The following SMARCAL1 variants were observed in gnomAD, a reference collection of about 807,000 sequenced individuals.
SMARCAL1 encodes the protein SNF2 related chromatin remodeling annealing helicase 1, also known as ATP-driven annealing helicase.
A neutral mutation model predicts 94.5 loss-of-function variants in SMARCAL1; 58 were observed. The observed-to-expected ratio is 0.61, with a 90% CI of 0.50 to 0.76. SMARCAL1 has a LOEUF of 0.76. SMARCAL1 is among the 30% of genes least tolerant of loss of function. SMARCAL1 has a pLI of 0.00. For synonymous variants in SMARCAL1, 422 were observed against 455.1 expected (o/e 0.93, Z 0.93); for missense variants, 1,051 against 1,177.9 (o/e 0.89, Z 1.58).
chr2:216,434,468 T>A (rs1411231569), intron 8 of SMARCAL1, among the ~76,000 whole-genome samples: 1 of 152,114 alleles, frequency 6.6e-6, no homozygotes, highest in Non-Finnish European at 1.5e-5. Flanking sequence ...TCGCATTCTT[T>A]CCCTGCAGAA....
chr2:216,428,830 TACTC>T (rs1378996811), intron 7 of SMARCAL1, 48 bp downstream of exon 7: 1 of 1,511,702 alleles, frequency 6.6e-7, no homozygotes, highest in East Asian at 2.3e-5. Context: ...CAAATTTCAT[TACTC>T]ACCACAGACT....
intron 11 of SMARCAL1, 125 bp from the exon 12 acceptor site, chr2:216,450,720 CA>C (rs1219992698): frequency 2.6e-5 from 18 of 699,144 alleles, no homozygotes; most frequent in Non-Finnish European, 4.1e-5. Flanking sequence ...CCCTGTAAGT[CA>C]CTTGAAGTTT....
chr2:216,458,033 A>G (rs1437792626), intron 12 of SMARCAL1, among the ~76,000 whole-genome samples: 1 of 152,204 alleles, frequency 6.6e-6, no homozygotes, highest in Non-Finnish European at 1.5e-5. Context: ...AATACAAACT[A>G]CCATCAGAGA....
intron 6 of SMARCAL1, among the ~76,000 whole-genome samples, chr2:216,425,579 C>G (rs1243747166): frequency 2.0e-5 from 3 of 152,198 alleles, no homozygotes; most frequent in Non-Finnish European, 4.4e-5. Context: ...TGTTATAGCC[C>G]TTTTCTCACC....
chr2:216,426,164 A>ATCTTTTTTTCTAACAG (rs1693829271), intron 6 of SMARCAL1, among the ~76,000 whole-genome samples: 1 of 152,226 alleles, frequency 6.6e-6, no homozygotes. Context: ...GCCCAGCCAC[A>ATCTTTTTTTCTAACAG]AAAGCTGAAT....
chr2:216,473,898 A>G (rs1695015461), intron 14 of SMARCAL1, among the ~76,000 whole-genome samples: 1 of 152,164 alleles, frequency 6.6e-6, no homozygotes, highest in African/African-American at 2.4e-5. Context: ...ACACATGTTC[A>G]TAGCAGCTTT....
intron 15 of SMARCAL1, among the ~76,000 whole-genome samples, chr2:216,476,593 G>A (rs935864548): frequency 6.6e-6 from 1 of 152,184 alleles, no homozygotes; most frequent in Admixed American, 6.5e-5. Context: ...GATTACAGGC[G>A]TGAGCCACCA....
intron 12 of SMARCAL1, among the ~76,000 whole-genome samples, chr2:216,453,876 A>T (rs1005273015): frequency 2.6e-5 from 4 of 152,202 alleles, no homozygotes; most frequent in Non-Finnish European, 4.4e-5. Flanking sequence ...GCTTTATATC[A>T]CAGGAGCCAA....
rs778801075 is a variant in SMARCAL1, at chr2:216,415,215, A to C, written c.511A>C (p.Lys171Gln). 37 of 1,614,034 alleles carry C rather than the reference A, an allele frequency of 2.3e-5. No individual in the cohort carries two copies. Among genetic ancestry groups the C allele is most frequent in the African/African-American group, 5.3e-5 (4 of 74,940 alleles). The change falls in exon 3 of 18, where the codon AAG (lysine) becomes CAG (glutamine). Residue 171 changes from lysine (K) to glutamine (Q), a missense_variant. Physicochemically the swap from Lys to Gln is moderately conservative, Grantham distance 53. Coordinates refer to ENST00000357276, the MANE Select transcript of SMARCAL1 (RefSeq NM_014140.4). ...NPTHKPLAKP[K>Q]SSQETPAHSS... ...AACTCATAAGCCTCTGGCCAAACCA[A>C]AGAGTTCCCAAGAGACACCAGCTCA... is the stretch of plus-strand genomic sequence containing the variant.
chr2:216,425,809 C>T (rs183733507), intron 6 of SMARCAL1, among the ~76,000 whole-genome samples: 4 of 152,236 alleles, frequency 2.6e-5, no homozygotes, highest in South Asian at 2.1e-4. Flanking sequence ...ATAGGCAGGC[C>T]TGGAAAAAGC....
chr2:216,479,041 AAC>A (rs1249979595), intron 17 of SMARCAL1: 4 of 152,766 alleles, frequency 2.6e-5, no homozygotes, highest in African/African-American at 9.6e-5. Context: ...ATTTCAGTGA[AAC>A]ACAGTGGAGT....
At chr2:216,413,434 A>G (rs912973731) in intron 1 of SMARCAL1, among the ~76,000 whole-genome samples, 6 of 152,196 alleles carry the variant, frequency 3.9e-5, no homozygotes, top group African/African-American at 1.4e-4. Context: ...ATCAGGGTGC[A>G]ATATGGAATG....
chr2:216,469,481 A>G (rs1285152073), intron 14 of SMARCAL1, among the ~76,000 whole-genome samples: 3 of 151,594 alleles, frequency 2.0e-5, no homozygotes, highest in African/African-American at 7.3e-5. Flanking sequence ...ACAGGGTTTC[A>G]CCGTGTGTTA....
At chr2:216,455,004 A>G (rs973592065) in intron 12 of SMARCAL1, among the ~76,000 whole-genome samples, 1 of 152,228 alleles carries the variant, frequency 6.6e-6, no homozygotes, top group Admixed American at 6.5e-5. Flanking sequence ...TCCCACCCTA[A>G]TACTGCGCTT....
intron 6 of SMARCAL1, 34 bp from the exon 7 acceptor site, chr2:216,428,562 A>G: frequency 6.2e-7 from 1 of 1,607,146 alleles, no homozygotes; most frequent in Admixed American, 1.7e-5. Flanking sequence ...GGGCATGAAC[A>G]CTCCAGCTCA....
chr2:216,475,287 A>G lies in SMARCAL1; in HGVS notation c.2263A>G (p.Ile755Val), dbSNP rs578123335. ...LERKHVQHIRIDGSTSSAERE... is the reference protein window; with the variant it reads ...LERKHVQHIRVDGSTSSAERE... ...CCTGCAGCACGTGCAGCACATCCGCATCGATGGCTCCACCTCATCAGCTGA... is the reference window on the plus strand; with the variant it reads ...CCTGCAGCACGTGCAGCACATCCGCGTCGATGGCTCCACCTCATCAGCTGA... Residue 755 changes from isoleucine to valine, a missense_variant, in exon 15 of 18, where the codon ATC becomes GTC. This residue lies in a region of SMARCAL1 where 642 missense variants were observed against 754.7 expected (regional missense o/e 0.85). Coordinates refer to ENST00000357276, the MANE Select transcript of SMARCAL1 (RefSeq NM_014140.4). This position sits in a 1 kb window ranked among gnomAD's most constrained non-coding sequence, Gnocchi z 4.4. The G allele has an allele frequency of 4.6e-5, 74 of 1,614,174 alleles. No individual in the cohort carries two copies. The highest frequency in any genetic ancestry group is 3.8e-4 in the Admixed American group (23 of 60,018).
intron 14 of SMARCAL1, among the ~76,000 whole-genome samples, chr2:216,472,407 C>G (rs145527723): frequency 6.6e-6 from 1 of 151,962 alleles, no homozygotes; most frequent in Admixed American, 6.6e-5. Context: ...TAGAAAAAAG[C>G]CTGATTAATA....
intron 7 of SMARCAL1, among the ~76,000 whole-genome samples, chr2:216,430,940 T>C (rs1693948163): frequency 6.6e-6 from 1 of 152,246 alleles, no homozygotes; most frequent in Non-Finnish European, 1.5e-5. Flanking sequence ...GAAGATTTCA[T>C]AGAGGTGGGT....
Position 216,475,551 on chromosome 2 carries a change from C to A in SMARCAL1, c.2427+100C>A. 1 of 1,217,318 alleles carries A rather than the reference C, an allele frequency of 8.2e-7. No individual in the cohort carries two copies. Among genetic ancestry groups the A allele is most frequent in the Non-Finnish European group, 1.2e-6 (1 of 823,720 alleles). 75.4% of individuals were successfully genotyped at this position (1,217,318 alleles called of 1,614,324 possible). A position where few individuals can be genotyped will look rare whatever the true frequency, so the allele number is the denominator to read the frequency against. Reference sequence around the variant, plus strand: ...GGGGAAAGTGTGGTTTCCCTTTTATCCATTCATTATACTTCCCACAAGTCA... The same window carrying A: ...GGGGAAAGTGTGGTTTCCCTTTTATACATTCATTATACTTCCCACAAGTCA... On this transcript the variant is annotated intron_variant, in intron 15 of 17. Transcript: ENST00000357276. This position sits in a 1 kb window ranked among gnomAD's most constrained non-coding sequence, Gnocchi z 4.4.
Sources: allele counts gnomAD v4.1 joint callset (sites outside exome capture counted in the v4.1 genomes callset), GRCh38; gene constraint gnomAD v4.1.1; regional missense constraint gnomAD v4.1.1; non-coding constraint Gnocchi (gnomAD v3.1); transcripts MANE v1.5; gene names NCBI Gene and HGNC (gene_info 2026-07-23, HGNC 2026-07-21).